Variants in SMURF1 observed in about 807,000 individuals in gnomAD.
SMURF1 encodes the protein SMAD specific E3 ubiquitin protein ligase 1, also known as E3 ubiquitin-protein ligase SMURF1.
A neutral mutation model predicts 98.0 loss-of-function variants in SMURF1; 44 were observed. The ratio of observed to expected loss-of-function variants is 0.45; its 90% confidence interval spans 0.35 to 0.58. SMURF1 has a LOEUF of 0.58. SMURF1 is among the 20% of genes least tolerant of loss of function. The pLI, the probability that SMURF1 is intolerant of heterozygous loss-of-function variation, is 0.00. For missense variants in SMURF1, 687 were observed against 938.4 expected (o/e 0.73, Z 3.50); for synonymous variants, 396 against 374.9 (o/e 1.06, Z -0.65).
chr7:99,038,282 C>T, intron 14 of SMURF1, 106 bp downstream of exon 14: 1 of 1,332,700 alleles, frequency 7.5e-7, no homozygotes, highest in Non-Finnish European at 1.0e-6. Flanking sequence ...TCATAAGCAC[C>T]AGCCATCAGG....
chr7:99,087,753 C>T (rs991882017), intron 1 of SMURF1, among the ~76,000 whole-genome samples: 20 of 152,140 alleles, frequency 1.3e-4, no homozygotes, highest in African/African-American at 2.2e-4. Flanking sequence ...TCCATTCTTT[C>T]CAGCCCCGCT....
chr7:99,142,936 G>A (rs1418808286), intron 1 of SMURF1, among the ~76,000 whole-genome samples: 1 of 138,708 alleles, frequency 7.2e-6, no homozygotes, highest in Non-Finnish European at 1.6e-5. Context: ...AGGAGGGAGG[G>A]GGTAAAAACG....
chr7:99,062,016 C>T lies in SMURF1; in HGVS notation c.56-179G>A, dbSNP rs370439659. 1.6e-4 allele frequency among the ~76,000 whole-genome samples: 25 copies of T among 152,000 alleles called. No homozygotes were observed. The South Asian group carries it at 3.3e-3, about 20-fold the overall frequency. ...AACCATCTAAAAAGTGTTTTCTCCT[C>T]AAACTGAAGATCAGCTATAACAAAT... On this transcript the variant is annotated intron_variant, in intron 1 of 17. Transcript: ENST00000361368.
chr7:99,067,955 C>A lies in SMURF1; in HGVS notation c.56-6118G>T, dbSNP rs139852353. Among the ~76,000 whole-genome samples, 179 of 152,122 alleles carry A rather than the reference C, an allele frequency of 1.2e-3. 1 individual carries two copies. Among genetic ancestry groups the A allele is most frequent in the African/African-American group, 3.7e-3 (152 of 41,502 alleles). On this transcript the variant is annotated intron_variant, in intron 1 of 17. Coordinates refer to ENST00000361368, the MANE Select transcript of SMURF1 (RefSeq NM_181349.3). ...GGCGACAGAACGAGACTATCCCCCC[C>A]ACCAAAAAAATACTACTTGTGGTTT...
chr7:99,033,198 C>G (rs1481420879), intron 16 of SMURF1, 77 bp from the exon 17 acceptor site: 2 of 1,442,770 alleles, frequency 1.4e-6, no homozygotes, highest in East Asian at 2.5e-5. Context: ...CCCCCAGGAG[C>G]AGGGCCCTGA....
rs753769421 is a variant in SMURF1, at chr7:99,143,821, GC to G, written c.-42del. On this transcript the variant is annotated 5_prime_UTR_variant, in exon 1 of 18. Coordinates refer to ENST00000361368, the MANE Select transcript of SMURF1 (RefSeq NM_181349.3). ...GGGCAGCCGCGGATCCAGCGCCACC[GC>G]CCCCCAGCCCGGCCCGGCCCGGCCC... 4 of 1,467,088 alleles carry G rather than the reference GC, an allele frequency of 2.7e-6. No individual in the cohort carries two copies. The allele number at this position is 1,467,088 out of a possible 1,614,324, so 90.9% of individuals were successfully genotyped here.
At chr7:99,101,138 G>T (rs924444994) in intron 1 of SMURF1, among the ~76,000 whole-genome samples, 4 of 152,058 alleles carry the variant, frequency 2.6e-5, no homozygotes, top group African/African-American at 9.7e-5. Flanking sequence ...AAGAAATATG[G>T]GGGGGTAGGG....
chr7:99,136,121 C>G (rs1417329551), intron 1 of SMURF1, among the ~76,000 whole-genome samples: 1 of 152,172 alleles, frequency 6.6e-6, no homozygotes, highest in African/African-American at 2.4e-5. Flanking sequence ...CCCAGGAGTT[C>G]CAGGCTGCAG....
At chr7:99,129,526 G>A (rs754521768) in intron 1 of SMURF1, among the ~76,000 whole-genome samples, 1 of 152,142 alleles carries the variant, frequency 6.6e-6, no homozygotes, top group Non-Finnish European at 1.5e-5. Flanking sequence ...AAGTAGCTGG[G>A]ACTACAGGTG....
intron 1 of SMURF1, among the ~76,000 whole-genome samples, chr7:99,130,900 C>A (rs1015581181): frequency 2.0e-5 from 3 of 152,190 alleles, no homozygotes; most frequent in African/African-American, 7.2e-5. Flanking sequence ...GTTGGTTCAG[C>A]AATGAACACT....
At chr7:99,081,548 T>C (rs1472999774) in intron 1 of SMURF1, 1 of 152,252 alleles carries the variant, frequency 6.6e-6, no homozygotes, top group East Asian at 1.9e-4. Flanking sequence ...TCTGGGGAAC[T>C]GTCAAAGTGT....
rs142548778 is a variant in SMURF1, at chr7:99,076,909, G to A, written c.56-15072C>T. On this transcript the variant is annotated intron_variant, in intron 1 of 17. Coordinates refer to ENST00000361368, the MANE Select transcript of SMURF1 (RefSeq NM_181349.3). Reference sequence around the variant, plus strand: ...TGCACGTGTGTGCGCGTGTGGGGGCGGAAGGGGTAACATGGGAACTGTCTG... The same window carrying A: ...TGCACGTGTGTGCGCGTGTGGGGGCAGAAGGGGTAACATGGGAACTGTCTG... 1.4e-3 allele frequency among the ~76,000 whole-genome samples: 209 copies of A among 152,096 alleles called. 2 individuals carry two copies. Among genetic ancestry groups the A allele is most frequent in the African/African-American group, 4.8e-3 (199 of 41,500 alleles).
intron 5 of SMURF1, among the ~76,000 whole-genome samples, chr7:99,056,358 G>A (rs1457231979): frequency 6.6e-6 from 1 of 152,064 alleles, no homozygotes; most frequent in Non-Finnish European, 1.5e-5. Flanking sequence ...ACAAGTGGGT[G>A]GATAATAGGA....
At chr7:99,085,019 G>A (rs939690090) in intron 1 of SMURF1, among the ~76,000 whole-genome samples, 2 of 152,074 alleles carry the variant, frequency 1.3e-5, no homozygotes, top group Non-Finnish European at 2.9e-5. Flanking sequence ...GGCCATGTAA[G>A]ACGTGCCTGC....
Position 99,042,135 on chromosome 7 carries a change from C to A in SMURF1, c.1354G>T (p.Asp452Tyr), listed in dbSNP as rs201084344. 6.2e-7 allele frequency: 1 copy of A among 1,613,566 alleles called. No homozygotes were observed. Reference protein sequence around the residue: ...DNIYMLQINPDSSINPDHLSY... With the variant: ...DNIYMLQINPYSSINPDHLSY... ...ATACTTACGGGGTTGATTGAAGAATCCGGATTTATTTGCAACATGTAAATA... is the reference window on the plus strand; with the variant it reads ...ATACTTACGGGGTTGATTGAAGAATACGGATTTATTTGCAACATGTAAATA... Residue 452 changes from aspartate to tyrosine, a missense_variant, in exon 12 of 18, where the codon GAT (aspartate) becomes TAT (tyrosine). By Grantham distance (160) the Asp-to-Tyr change is radical (BLOSUM62 -3). This residue lies in a region of SMURF1 where 272 missense variants were observed against 430.0 expected (regional missense o/e 0.63). Transcript: ENST00000361368.
chr7:99,139,591 A>T (rs1798069386), intron 1 of SMURF1, among the ~76,000 whole-genome samples: 1 of 152,198 alleles, frequency 6.6e-6, no homozygotes, highest in Non-Finnish European at 1.5e-5. Context: ...ATAAGAACAA[A>T]GTTTTTGCAA....
Position 99,144,016 on chromosome 7 carries a change from G to GCCGCCGCCGCCTCCGCCGCCGCCT in SMURF1, c.-260_-237dup, listed in dbSNP as rs753998453. The GCCGCCGCCGCCTCCGCCGCCGCCT allele has an allele frequency of 3.6e-6, 1 of 274,522 alleles. No individual in the cohort carries two copies. The highest frequency in any genetic ancestry group is 6.7e-6 in the Non-Finnish European group (1 of 149,014). The allele number at this position is 274,522 out of a possible 1,614,324, so 17.0% of individuals were successfully genotyped here. A position where few individuals can be genotyped will look rare whatever the true frequency, so the allele number is the denominator to read the frequency against. On this transcript the variant is annotated 5_prime_UTR_variant, in exon 1 of 18. Coordinates refer to ENST00000361368, the MANE Select transcript of SMURF1 (RefSeq NM_181349.3). The stretch of plus-strand genomic sequence containing the variant: ...TGCTTCCAGCCGAGCCCAGTCCCGA[G>GCCGCCGCCGCCTCCGCCGCCGCCT]CCGCCGCCGCCTCCGCCGCCGCCTC...
chr7:99,067,181 A>G (rs973392950), intron 1 of SMURF1, among the ~76,000 whole-genome samples: 4 of 151,882 alleles, frequency 2.6e-5, no homozygotes, highest in African/African-American at 9.7e-5. Context: ...TATTTTTAGT[A>G]GAGACGGGGT....
intron 1 of SMURF1, among the ~76,000 whole-genome samples, chr7:99,088,849 G>C (rs2150576086): frequency 6.6e-6 from 1 of 152,232 alleles, no homozygotes; most frequent in Middle Eastern, 3.4e-3. Context: ...TGGATCACCT[G>C]AGGTCAGGAG....
Sources: gnomAD v4.1 joint callset for allele counts (sites outside exome capture counted in the v4.1 genomes callset) on GRCh38, gnomAD v4.1.1 for gene constraint, gnomAD v4.1.1 regional missense constraint, MANE v1.5 for transcripts, NCBI Gene and HGNC (gene_info 2026-07-23, HGNC 2026-07-21) for gene names.